Variants in TNS3 observed in about 807,000 individuals in gnomAD.
TNS3 encodes the protein tensin-3.
Under a neutral mutation model 140.9 loss-of-function variants are expected in TNS3, and 45 were observed. That is an observed-to-expected ratio of 0.32 (90% CI 0.25 to 0.41). The LOEUF (loss-of-function observed/expected upper bound fraction) is 0.41. Ranked by LOEUF, TNS3 falls within the 10% of genes least tolerant of loss-of-function variation. The pLI, the probability that TNS3 is intolerant of heterozygous loss-of-function variation, is 1.00. For missense variants in TNS3, 1,716 were observed against 1,906.7 expected (o/e 0.90, Z 1.86); for synonymous variants, 815 against 788.4 (o/e 1.03, Z -0.56).
At chr7:47,544,593 T>A (rs563172659) in intron 1 of TNS3, among the ~76,000 whole-genome samples, 1 of 152,226 alleles carries the variant, frequency 6.6e-6, no homozygotes, top group East Asian at 1.9e-4. Flanking sequence ...CCAGACAATC[T>A]GCCAGAGCCT....
At position 47,276,495 on chromosome 7, in the gene TNS3, G is replaced by A. The variant is rs115672520; in HGVS notation, c.*1581C>T. The A allele has an allele frequency of 4.8e-3, 733 of 152,410 alleles. 8 individuals carry two copies. The highest frequency in any genetic ancestry group is 0.014 in the African/African-American group (601 of 41,560). 9.4% of individuals were successfully genotyped at this position (152,410 alleles called of 1,614,324 possible). On this transcript the variant is annotated 3_prime_UTR_variant, in exon 31 of 31. Transcript: ENST00000311160. ...AGTGTGGCCTAAGAATGGGGGATTTGACTTTTGAAAGCAGAGGAGGGAATT... is the reference window on the plus strand; with the variant it reads ...AGTGTGGCCTAAGAATGGGGGATTTAACTTTTGAAAGCAGAGGAGGGAATT...
chr7:47,294,919 A>G (rs1362446799), intron 24 of TNS3, among the ~76,000 whole-genome samples: 5 of 152,180 alleles, frequency 3.3e-5, no homozygotes, highest in African/African-American at 4.8e-5. Context: ...CTCAGTGGGA[A>G]GTCCTTCTGG....
intron 3 of TNS3, among the ~76,000 whole-genome samples, chr7:47,492,224 C>T (rs1443947282): frequency 1.3e-5 from 2 of 152,196 alleles, no homozygotes; most frequent in Non-Finnish European, 2.9e-5. Context: ...CTCTGGCCAC[C>T]CCACAGTGGG....
At chr7:47,413,615 C>T (rs75688594) in intron 12 of TNS3, among the ~76,000 whole-genome samples, 3,531 of 151,872 alleles carry the variant, frequency 0.023, 71 homozygotes, top group East Asian at 0.077. Context: ...ATCAATACCC[C>T]TTGAAAACCA....
At chr7:47,476,386 C>T (rs904426815) in intron 4 of TNS3, among the ~76,000 whole-genome samples, 9 of 152,314 alleles carry the variant, frequency 5.9e-5, no homozygotes, top group African/African-American at 2.2e-4. Flanking sequence ...TACAGAGCAG[C>T]TGGACCACAG....
At chr7:47,304,743 A>C in intron 21 of TNS3, 89 bp downstream of exon 21, 1 of 1,250,490 alleles carries the variant, frequency 8.0e-7, no homozygotes, top group Non-Finnish European at 1.0e-6. Context: ...GCTTCTCTGA[A>C]GAGCAAGCCC....
At chr7:47,451,462 T>TC (rs1321026366) in intron 4 of TNS3, among the ~76,000 whole-genome samples, 7 of 151,960 alleles carry the variant, frequency 4.6e-5, no homozygotes, top group Non-Finnish European at 8.8e-5. Context: ...GTGGCTGTAG[T>TC]CCCAGGTACT....
intron 3 of TNS3, among the ~76,000 whole-genome samples, chr7:47,494,054 G>A (rs1480202389): frequency 6.6e-6 from 1 of 152,134 alleles, no homozygotes; most frequent in Non-Finnish European, 1.5e-5. Context: ...TAACTCTAAT[G>A]TCCACATAAA....
intron 1 of TNS3, among the ~76,000 whole-genome samples, chr7:47,556,180 C>G (rs943439338): frequency 1.3e-5 from 2 of 152,230 alleles, no homozygotes; most frequent in Admixed American, 1.3e-4. Flanking sequence ...AACCCACATG[C>G]CCTCTTTTGT....
chr7:47,287,191 G>GT (rs1186953085), intron 27 of TNS3, among the ~76,000 whole-genome samples: 1 of 151,762 alleles, frequency 6.6e-6, no homozygotes, highest in Non-Finnish European at 1.5e-5. Flanking sequence ...CTGAAAAGAA[G>GT]TAAGTCTTTC....
chr7:47,507,195 T>A (rs1390570938), intron 2 of TNS3, among the ~76,000 whole-genome samples: 1 of 152,174 alleles, frequency 6.6e-6, no homozygotes, highest in Non-Finnish European at 1.5e-5. Context: ...CAGGTAGGAA[T>A]GTCTTGGGAG....
At chr7:47,380,609 G>C (rs1791695263) in intron 16 of TNS3, among the ~76,000 whole-genome samples, 1 of 152,158 alleles carries the variant, frequency 6.6e-6, no homozygotes, top group South Asian at 2.1e-4. Flanking sequence ...CTCTCCTCCT[G>C]GCTAGTACCA....
At chr7:47,349,933 C>T (rs1489697652) in intron 17 of TNS3, among the ~76,000 whole-genome samples, 4 of 152,194 alleles carry the variant, frequency 2.6e-5, no homozygotes, top group African/African-American at 9.7e-5. Context: ...CGGCCTGCTA[C>T]GTCTTTTTTG....
chr7:47,557,267 G>A (rs897850662), intron 1 of TNS3: 13 of 398,372 alleles, frequency 3.3e-5, no homozygotes, highest in Admixed American at 1.8e-4. Context: ...GTGCAGTCAC[G>A]GGTGATATGC....
At position 47,303,246 on chromosome 7, in the gene TNS3, G is replaced by A. The variant is rs61731307; in HGVS notation, c.3161C>T (p.Pro1054Leu). The A allele has an allele frequency of 2.4e-5, 39 of 1,613,730 alleles. No homozygotes were observed. The East Asian group carries it at 5.8e-4, about 24-fold the overall frequency. ...SHGASPTPSI[P>L]LTATGAADNG... ...GTCGGCAGCCCCTGTCGCTGTCAGC[G>A]GGATGCTGGGGGTCGGTGACGCTCC... Residue 1054 changes from proline (P) to leucine (L), a missense_variant, in exon 22 of 31, where the codon CCG (proline) becomes CTG (leucine). By Grantham distance (98) the Pro-to-Leu change is moderately conservative. Coordinates refer to ENST00000311160, the MANE Select transcript of TNS3 (RefSeq NM_022748.12).
intron 8 of TNS3, among the ~76,000 whole-genome samples, chr7:47,432,110 T>G (rs928944066): frequency 6.6e-6 from 1 of 152,196 alleles, no homozygotes; most frequent in Middle Eastern, 3.2e-3. Flanking sequence ...AACTTCGCTA[T>G]GGTTTAAATA....
At chr7:47,393,787 A>C (rs1214703248) in intron 16 of TNS3, among the ~76,000 whole-genome samples, 1 of 151,826 alleles carries the variant, frequency 6.6e-6, no homozygotes, top group Non-Finnish European at 1.5e-5. Flanking sequence ...TTGGCGCCCT[A>C]TCCGACTCCT....
chr7:47,413,440 G>A (rs1009613489), intron 12 of TNS3, among the ~76,000 whole-genome samples: 2 of 151,320 alleles, frequency 1.3e-5, no homozygotes, highest in African/African-American at 2.4e-5. Context: ...TAGTAGAGAC[G>A]GGGTTTCACC....
chr7:47,500,000 C>T (rs1798151649), intron 3 of TNS3, among the ~76,000 whole-genome samples: 1 of 152,100 alleles, frequency 6.6e-6, no homozygotes, highest in South Asian at 2.1e-4. Flanking sequence ...TCTTTCCCCT[C>T]GATTTTGCGG....
Sources: allele counts gnomAD v4.1 joint callset (sites outside exome capture counted in the v4.1 genomes callset), GRCh38; gene constraint gnomAD v4.1.1; transcripts MANE v1.5; gene names NCBI Gene and HGNC (gene_info 2026-07-23, HGNC 2026-07-21).